MYBL2: variants seen among roughly 807,000 people sequenced by gnomAD.
MYBL2 encodes MYB proto-oncogene like 2, also known as myb-related protein B.
Under a neutral mutation model 79.9 loss-of-function variants are expected in MYBL2, and 28 were observed. That is an observed-to-expected ratio of 0.35 (90% CI 0.26 to 0.48). MYBL2 has a LOEUF of 0.48. MYBL2 is among the 20% of genes least tolerant of loss of function. MYBL2 has a pLI of 0.99. For synonymous variants in MYBL2, 378 were observed against 361.2 expected (o/e 1.05, Z -0.53); for missense variants, 735 against 893.9 (o/e 0.82, Z 2.27).
At chr20:43,714,582 T>TTAC (rs1292428450) in intron 12 of MYBL2, among the ~76,000 whole-genome samples, 3 of 139,888 alleles carry the variant, frequency 2.1e-5, no homozygotes, top group African/African-American at 8.8e-5. Context: ...GATTACTTGA[T>TTAC]TTTTTTTTTT....
chr20:43,705,367 T>C lies in MYBL2; in HGVS notation c.1505+9T>C. On this transcript the variant is annotated intron_variant, in intron 9 of 13. Coordinates refer to ENST00000217026, the MANE Select transcript of MYBL2 (RefSeq NM_002466.4). The stretch of plus-strand genomic sequence containing the variant: ...CACCAGAAACATGCTGCGTGAGTGC[T>C]GCAGTGCCCCCAACCTTCGCCGTCC... The C allele has an allele frequency of 6.3e-7, 1 of 1,599,210 alleles. No homozygotes were observed. Among genetic ancestry groups the C allele is most frequent in the Non-Finnish European group, 8.5e-7 (1 of 1,170,998 alleles).
In MYBL2 at chr20:43,716,140, A is replaced by C. The variant is rs1247631853; in HGVS notation, c.*53A>C. Reference sequence around the variant, plus strand: ...TCATGTTTACAGGGGTTGTGGGGGCAGAGGGGGTCTGTGAATCTGAGAGTC... The same window carrying C: ...TCATGTTTACAGGGGTTGTGGGGGCCGAGGGGGTCTGTGAATCTGAGAGTC... On this transcript the variant is annotated 3_prime_UTR_variant, in exon 14 of 14. Transcript: ENST00000217026. 2 of 1,592,490 alleles carry C rather than the reference A, an allele frequency of 1.3e-6. No homozygotes were observed. Among genetic ancestry groups the C allele is most frequent in the Non-Finnish European group, 1.7e-6 (2 of 1,176,794 alleles).
chr20:43,693,233 C>T (rs558467200), intron 6 of MYBL2, among the ~76,000 whole-genome samples: 10 of 152,230 alleles, frequency 6.6e-5, no homozygotes, highest in South Asian at 2.1e-4. Flanking sequence ...GGTTTCACCA[C>T]GTTGGCCAGG....
intron 9 of MYBL2, among the ~76,000 whole-genome samples, chr20:43,705,821 C>T (rs1987769264): frequency 6.6e-6 from 1 of 152,042 alleles, no homozygotes; most frequent in East Asian, 1.9e-4. Context: ...CTGCCTCAGC[C>T]TCCCGAGTAG....
At chr20:43,668,521 C>T (rs1262174575) in intron 1 of MYBL2, among the ~76,000 whole-genome samples, 2 of 151,834 alleles carry the variant, frequency 1.3e-5, no homozygotes, top group Non-Finnish European at 2.9e-5. Flanking sequence ...CCTCTTTAGA[C>T]GATAGCCTCA....
chr20:43,669,440 TCAGC>T (rs1309134283), intron 1 of MYBL2, among the ~76,000 whole-genome samples: 2 of 152,324 alleles, frequency 1.3e-5, no homozygotes, highest in East Asian at 3.9e-4. Context: ...TCCACAGCCC[TCAGC>T]CCATTTCCTG....
At chr20:43,695,621 T>G (rs1432864924) in intron 6 of MYBL2, among the ~76,000 whole-genome samples, 1 of 151,842 alleles carries the variant, frequency 6.6e-6, no homozygotes. Flanking sequence ...TGAGGCCAAG[T>G]TGGGAGGATT....
chr20:43,695,037 ATT>A (rs3092677), intron 6 of MYBL2, among the ~76,000 whole-genome samples: 1 of 144,026 alleles, frequency 6.9e-6, no homozygotes, highest in Non-Finnish European at 1.5e-5. Flanking sequence ...CAGGAGGTCA[ATT>A]TTTTTTTTTT....
intron 1 of MYBL2, among the ~76,000 whole-genome samples, chr20:43,669,190 T>C (rs1204102774): frequency 6.6e-6 from 1 of 152,146 alleles, no homozygotes; most frequent in Admixed American, 6.5e-5. Context: ...TCGCGTTGTG[T>C]CTCACCTCAC....
chr20:43,687,797 C>G (rs1302527166), intron 5 of MYBL2, among the ~76,000 whole-genome samples: 3 of 151,982 alleles, frequency 2.0e-5, no homozygotes, highest in Non-Finnish European at 4.4e-5. Context: ...GGGTGGATCA[C>G]TTGAGGTCAG....
intron 1 of MYBL2, among the ~76,000 whole-genome samples, chr20:43,672,703 T>C (rs1002716185): frequency 1.3e-5 from 2 of 152,150 alleles, no homozygotes; most frequent in African/African-American, 2.4e-5. Context: ...GCTGTGATTA[T>C]GCCACTACAT....
chr20:43,708,033 G>A (rs1248511324), intron 9 of MYBL2, among the ~76,000 whole-genome samples: 1 of 152,148 alleles, frequency 6.6e-6, no homozygotes, highest in Non-Finnish European at 1.5e-5. Context: ...TGAATTCTCT[G>A]ATTTACAGAG....
intron 10 of MYBL2, 89 bp downstream of exon 10, chr20:43,710,151 C>CT (rs1184598947): frequency 4.9e-6 from 5 of 1,025,538 alleles, no homozygotes; most frequent in Non-Finnish European, 7.0e-6. Flanking sequence ...ACCCTTCCCT[C>CT]TGAGGTCTCA....
At position 43,697,275 on chromosome 20, in the gene MYBL2, CT is replaced by C. The variant is rs371857943; in HGVS notation, c.664-2472del. Reference sequence around the variant, plus strand: ...TTGATTGAATTACTTTGGAGTTGATCTTTTTTTTTTCAGCTTTATTAAAATA... The same window carrying C: ...TTGATTGAATTACTTTGGAGTTGATCTTTTTTTTTCAGCTTTATTAAAATA... On this transcript the variant is annotated intron_variant, in intron 6 of 13. Transcript: ENST00000217026. 1.3e-4 allele frequency among the ~76,000 whole-genome samples: 19 copies of C among 149,046 alleles called. 1 individual carries two copies. Among genetic ancestry groups the C allele is most frequent in the African/African-American group, 3.2e-4 (13 of 40,652 alleles).
chr20:43,684,676 C>A (rs1367295744), intron 4 of MYBL2, among the ~76,000 whole-genome samples: 1 of 151,678 alleles, frequency 6.6e-6, no homozygotes, highest in South Asian at 2.1e-4. Flanking sequence ...GCTGGCACTT[C>A]GCCTTAAAAT....
chr20:43,699,687 G>C (rs2145726725), intron 6 of MYBL2, 70 bp from the exon 7 acceptor site: 2 of 1,502,274 alleles, frequency 1.3e-6, no homozygotes, highest in Non-Finnish European at 1.8e-6. Context: ...AGGTTGTGTG[G>C]TTTAGCTGGA....
intron 1 of MYBL2, among the ~76,000 whole-genome samples, chr20:43,671,363 G>C (rs1986849525): frequency 6.6e-6 from 1 of 151,102 alleles, no homozygotes; most frequent in Non-Finnish European, 1.5e-5. Flanking sequence ...TCACCATGTT[G>C]ACCAGGCTGG....
intron 12 of MYBL2, 32 bp from the exon 13 acceptor site, chr20:43,715,102 A>G (rs751816397): frequency 3.1e-5 from 50 of 1,609,380 alleles, no homozygotes; most frequent in Non-Finnish European, 4.3e-5. Context: ...TTCTCGCAAA[A>G]TGGTGACTCC....
At chr20:43,706,719 G>GTTTTGTTT (rs1987791605) in intron 9 of MYBL2, among the ~76,000 whole-genome samples, 1 of 70,780 alleles carries the variant, frequency 1.4e-5, no homozygotes, top group Non-Finnish European at 2.5e-5. Flanking sequence ...AAAAAAAAAA[G>GTTTTGTTT]TTTTTTTTTT....
Sources: allele counts gnomAD v4.1 joint callset (sites outside exome capture counted in the v4.1 genomes callset), GRCh38; gene constraint gnomAD v4.1.1; transcripts MANE v1.5; gene names NCBI Gene and HGNC (gene_info 2026-07-23, HGNC 2026-07-21).